DDO: variants seen among roughly 807,000 people sequenced by gnomAD.
DDO encodes D-aspartate oxidase, DDO.
A neutral mutation model predicts 16.8 loss-of-function variants in DDO; 16 were observed. The ratio of observed to expected loss-of-function variants is 0.95; its 90% confidence interval spans 0.65 to 1.45. The LOEUF (loss-of-function observed/expected upper bound fraction) is 1.45, where lower values mean the gene tolerates loss of function less well. Ranked by LOEUF, DDO falls within the 40% of genes most tolerant of loss-of-function variation. The probability of loss-of-function intolerance (pLI) is 0.00; values close to 1 mark genes in which losing one functional copy is unlikely to be tolerated. For missense variants in DDO, 429 were observed against 420.3 expected (o/e 1.02, Z -0.18); for synonymous variants, 180 against 167.2 (o/e 1.08, Z -0.59).
chr6:110,402,071 T>C (rs1172295338), intron 4 of DDO, among the ~76,000 whole-genome samples: 1 of 152,174 alleles, frequency 6.6e-6, no homozygotes, highest in Non-Finnish European at 1.5e-5. Context: ...GGACATTCTA[T>C]TATATGAAAC....
chr6:110,406,900 C>T (rs1350668466), intron 3 of DDO, among the ~76,000 whole-genome samples: 1 of 152,228 alleles, frequency 6.6e-6, no homozygotes, highest in African/African-American at 2.4e-5. Context: ...CTTTTGGTAA[C>T]TCATGTCCCA....
In DDO at chr6:110,392,984, C is replaced by G. The variant is rs774158878; in HGVS notation, c.817G>C (p.Glu273Gln). The G allele has an allele frequency of 8.1e-6, 13 of 1,612,384 alleles. No individual in the cohort carries two copies. Among genetic ancestry groups the G allele is most frequent in the South Asian group, 1.1e-5 (1 of 91,042 alleles). Residue 273 changes from glutamate to glutamine, a missense_variant, in exon 5 of 5, where the codon GAG becomes CAG. By Grantham distance (29) the Glu-to-Gln change is conservative. Coordinates refer to ENST00000368924, the MANE Select transcript of DDO (RefSeq NM_001372108.2). ...CTGTAGGGCCTCAAGCCCACCTTCT[C>G]CCTGATGTTGCAGGCTCCGTGGAGG... ...PSLHGACNIR[E>Q]KVGLRPYRPG...
At chr6:110,405,402 T>C (rs145481637) in intron 3 of DDO, among the ~76,000 whole-genome samples, 19 of 152,328 alleles carry the variant, frequency 1.2e-4, no homozygotes, top group African/African-American at 3.6e-4. Context: ...TACTATTCTC[T>C]TAGGTTCAGA....
downstream of DDO, among the ~76,000 whole-genome samples, chr6:110,388,529 T>C (rs1773051911): frequency 6.6e-6 from 1 of 151,896 alleles, no homozygotes; most frequent in Admixed American, 6.5e-5. Flanking sequence ...TATGTCATTT[T>C]TAAAAATAGC....
downstream of DDO, among the ~76,000 whole-genome samples, chr6:110,389,371 A>G (rs945913907): frequency 2.0e-5 from 3 of 152,266 alleles, no homozygotes. Flanking sequence ...GCCAACACTC[A>G]TAAGAAATTT....
At chr6:110,409,968 T>C (rs1773793753) in intron 2 of DDO, among the ~76,000 whole-genome samples, 1 of 151,008 alleles carries the variant, frequency 6.6e-6, no homozygotes, top group East Asian at 2.0e-4. Flanking sequence ...ATAGCTGGAA[T>C]GGTGAGAACA....
chr6:110,412,819 T>A (rs1159549466), intron 2 of DDO, among the ~76,000 whole-genome samples: 2 of 152,234 alleles, frequency 1.3e-5, no homozygotes, highest in African/African-American at 2.4e-5. Context: ...GCAGCATAAC[T>A]GAGGCTGTCC....
chr6:110,411,986 G>T (rs1428400206), intron 2 of DDO, among the ~76,000 whole-genome samples: 1 of 152,228 alleles, frequency 6.6e-6, no homozygotes, highest in Non-Finnish European at 1.5e-5. Context: ...CATGCCAGCA[G>T]ATTACAGGTG....
At chr6:110,397,943 G>T (rs1180611309) in intron 4 of DDO, among the ~76,000 whole-genome samples, 1 of 152,188 alleles carries the variant, frequency 6.6e-6, no homozygotes, top group Non-Finnish European at 1.5e-5. Flanking sequence ...GTTAAATTAG[G>T]TGACCAAGTG....
chr6:110,389,123 A>G (rs1582463352), downstream of DDO, among the ~76,000 whole-genome samples: 1 of 152,218 alleles, frequency 6.6e-6, no homozygotes, highest in East Asian at 1.9e-4. Flanking sequence ...ACATCATCCA[A>G]TCTGTTGAAG....
At chr6:110,404,371 A>C (rs1319060442) in intron 4 of DDO, among the ~76,000 whole-genome samples, 1 of 152,230 alleles carries the variant, frequency 6.6e-6, no homozygotes, top group Non-Finnish European at 1.5e-5. Context: ...AATAATTTAT[A>C]ATAAGCAAAG....
At chr6:110,399,966 C>T (rs1170727578) in intron 4 of DDO, among the ~76,000 whole-genome samples, 7 of 152,230 alleles carry the variant, frequency 4.6e-5, no homozygotes, top group Admixed American at 4.6e-4. Context: ...CCATAACCGA[C>T]CCACAGCCGG....
intron 2 of DDO, among the ~76,000 whole-genome samples, chr6:110,411,925 C>G (rs1407126559): frequency 4.6e-5 from 7 of 152,026 alleles, no homozygotes; most frequent in Non-Finnish European, 1.0e-4. Flanking sequence ...GTGGAAAATA[C>G]AGAAAGGAAA....
chr6:110,403,467 T>C (rs1562262354), intron 4 of DDO, among the ~76,000 whole-genome samples: 2 of 152,206 alleles, frequency 1.3e-5, no homozygotes, highest in Non-Finnish European at 2.9e-5. Context: ...CATCATGTGA[T>C]AGCTCAAAAT....
intron 3 of DDO, among the ~76,000 whole-genome samples, chr6:110,407,147 G>A (rs557410685): frequency 2.0e-5 from 3 of 152,312 alleles, no homozygotes; most frequent in South Asian, 2.1e-4. Flanking sequence ...ATATACTTAC[G>A]CCAAAGATGC....
chr6:110,398,383 T>TACAC (rs372325600), intron 4 of DDO, among the ~76,000 whole-genome samples: 519 of 110,262 alleles, frequency 4.7e-3, no homozygotes, highest in Middle Eastern at 0.016. Flanking sequence ...CTTAAATGCG[T>TACAC]ACACACACAC....
chr6:110,404,742 A>G (rs1332765140), intron 4 of DDO, 32 bp downstream of exon 4: 3 of 1,609,066 alleles, frequency 1.9e-6, no homozygotes, highest in South Asian at 2.2e-5. Flanking sequence ...GCTATGACAG[A>G]TAAGGAAATA....
chr6:110,408,501 C>G, intron 2 of DDO, 59 bp from the exon 3 acceptor site: 1 of 1,472,330 alleles, frequency 6.8e-7, no homozygotes, highest in Non-Finnish European at 9.4e-7. Context: ...AATGACAGTG[C>G]TTCAAATAAG....
In DDO at chr6:110,403,370, AG is replaced by A. The variant is rs1329060323; in HGVS notation, c.458+1403del. On this transcript the variant is annotated intron_variant, in intron 4 of 4. Coordinates refer to ENST00000368924, the MANE Select transcript of DDO (RefSeq NM_001372108.2). ...TTTTGTATTTCTAGTCATTTTTAGA[AG>A]GGGGAAAATTCAACACTACACACTA... Among the ~76,000 whole-genome samples, 9 of 152,244 alleles carry A rather than the reference AG, an allele frequency of 5.9e-5. No individual in the cohort carries two copies. In the South Asian group the frequency reaches 1.7e-3, roughly 28 times the overall value.
Sources: allele counts gnomAD v4.1 joint callset (sites outside exome capture counted in the v4.1 genomes callset), GRCh38; gene constraint gnomAD v4.1.1; transcripts MANE v1.5; gene names NCBI Gene and HGNC (gene_info 2026-07-23, HGNC 2026-07-21).